PTPRO: variants seen among roughly 807,000 people sequenced by gnomAD.
The protein encoded by PTPRO is receptor-type tyrosine-protein phosphatase O.
In PTPRO, 62 loss-of-function variants were observed where a neutral mutation model predicts 145.2. The observed-to-expected ratio is 0.43, with a 90% CI of 0.35 to 0.53. The LOEUF (loss-of-function observed/expected upper bound fraction) is 0.53, where lower values mean the gene tolerates loss of function less well. Among genes scored for constraint, PTPRO ranks in the 20% least tolerant of loss-of-function variants. PTPRO has a pLI of 0.01. For missense variants in PTPRO, 1,345 were observed against 1,482.7 expected (o/e 0.91, Z 1.53); for synonymous variants, 565 against 514.7 (o/e 1.10, Z -1.32).
At chr12:15,401,682 A>G (rs1046931745) in intron 1 of PTPRO, among the ~76,000 whole-genome samples, 1 of 152,184 alleles carries the variant, frequency 6.6e-6, no homozygotes, top group Admixed American at 6.5e-5. Flanking sequence ...TATGAACTAC[A>G]CCATATTTCA....
At chr12:15,577,895 G>C (rs906059131) in intron 19 of PTPRO, among the ~76,000 whole-genome samples, 1 of 152,138 alleles carries the variant, frequency 6.6e-6, no homozygotes, top group South Asian at 2.1e-4. Flanking sequence ...TTTCCTGTAA[G>C]ACACATGGCA....
chr12:15,451,881 C>T (rs942184873), intron 1 of PTPRO, among the ~76,000 whole-genome samples: 7 of 152,218 alleles, frequency 4.6e-5, no homozygotes, highest in African/African-American at 1.7e-4. Context: ...TGAATGCCTA[C>T]ATCAAAGAGT....
intron 18 of PTPRO, among the ~76,000 whole-genome samples, chr12:15,567,788 T>C (rs1181129048): frequency 6.6e-6 from 1 of 152,202 alleles, no homozygotes; most frequent in African/African-American, 2.4e-5. Flanking sequence ...TTACTCTCCC[T>C]GGATTCCAGT....
intron 15 of PTPRO, among the ~76,000 whole-genome samples, chr12:15,552,479 A>G (rs1158824694): frequency 3.3e-5 from 5 of 152,322 alleles, no homozygotes; most frequent in African/African-American, 1.2e-4. Context: ...AAATTCATCT[A>G]TCCAATAGTG....
chr12:15,458,267 C>A (rs1941224795), intron 1 of PTPRO, among the ~76,000 whole-genome samples: 1 of 151,938 alleles, frequency 6.6e-6, no homozygotes, highest in Non-Finnish European at 1.5e-5. Context: ...TCATTTTTTT[C>A]TTGTTGCTTT....
chr12:15,359,466 C>T (rs1938106398), intron 1 of PTPRO, among the ~76,000 whole-genome samples: 1 of 134,600 alleles, frequency 7.4e-6, no homozygotes, highest in Non-Finnish European at 1.5e-5. Flanking sequence ...ACTCTGTCGG[C>T]AGGGCTGGAG....
chr12:15,527,553 A>C (rs968030669), intron 12 of PTPRO, among the ~76,000 whole-genome samples: 13 of 152,356 alleles, frequency 8.5e-5, no homozygotes, highest in Middle Eastern at 3.4e-3. Context: ...GTGGCTGTTC[A>C]GCAGCACCAT....
At chr12:15,431,452 A>T (rs1022732522) in intron 1 of PTPRO, among the ~76,000 whole-genome samples, 1 of 152,210 alleles carries the variant, frequency 6.6e-6, no homozygotes, top group Non-Finnish European at 1.5e-5. Flanking sequence ...ACTTTTCAAA[A>T]ATTTCACATA....
intron 1 of PTPRO, 119 bp from the exon 2 acceptor site, chr12:15,483,854 AC>A: frequency 1.9e-6 from 2 of 1,069,828 alleles, no homozygotes; most frequent in East Asian, 4.8e-5. Flanking sequence ...AATAAGGCTT[AC>A]CATAAACATA....
intron 1 of PTPRO, among the ~76,000 whole-genome samples, chr12:15,483,224 C>G (rs1250817519): frequency 6.6e-6 from 1 of 152,088 alleles, no homozygotes; most frequent in Non-Finnish European, 1.5e-5. Flanking sequence ...TTAATTCTGC[C>G]TATGGAGTCT....
At position 15,481,064 on chromosome 12, in the gene PTPRO, G is replaced by T. The variant is rs987227617; in HGVS notation, c.76-2910G>T. 2.6e-5 allele frequency among the ~76,000 whole-genome samples: 4 copies of T among 152,204 alleles called. No individual in the cohort carries two copies. In the East Asian group the frequency reaches 7.7e-4, roughly 29 times the overall value. On this transcript the variant is annotated intron_variant, in intron 1 of 26. Transcript: ENST00000281171. ...AAAAGAGTAATGGATAAGGGAAGGA[G>T]CTAGTATTTGTTAAGCTCCATGTAT... is the stretch of plus-strand genomic sequence containing the variant.
At chr12:15,431,366 A>C (rs1202474040) in intron 1 of PTPRO, among the ~76,000 whole-genome samples, 1 of 152,182 alleles carries the variant, frequency 6.6e-6, no homozygotes, top group Non-Finnish European at 1.5e-5. Flanking sequence ...CAAAAATTAT[A>C]CCTTTTGGAA....
intron 1 of PTPRO, among the ~76,000 whole-genome samples, chr12:15,443,575 G>C (rs1356404867): frequency 1.3e-5 from 2 of 152,072 alleles, no homozygotes; most frequent in East Asian, 3.9e-4. Flanking sequence ...TAAAGACAGG[G>C]AGAAAATGTT....
chr12:15,567,385 T>C (rs1943927560), intron 18 of PTPRO, among the ~76,000 whole-genome samples: 1 of 150,738 alleles, frequency 6.6e-6, no homozygotes, highest in African/African-American at 2.5e-5. Flanking sequence ...CACCTCCTCT[T>C]TTTCTTTTTC....
Position 15,589,584 on chromosome 12 carries a change from G to A in PTPRO, c.3540G>A (p.Gln1180=), listed in dbSNP as rs1944503912. 6.2e-7 allele frequency: 1 copy of A among 1,614,056 alleles called. No homozygotes were observed. The highest frequency in any genetic ancestry group is 1.3e-5 in the African/African-American group (1 of 75,038). The change falls in exon 25 of 27, where the codon CAG becomes CAA. Residue 1180 remains glutamine, a synonymous_variant. Transcript: ENST00000281171. ...GGTCATACCGGATGTCTATGGTACAGACAGAGGTAGGAACATAATCTATAT... is the reference window on the plus strand; with the variant it reads ...GGTCATACCGGATGTCTATGGTACAAACAGAGGTAGGAACATAATCTATAT... ...EMRSYRMSMV[Q]TEEQYIFIHQ...
At chr12:15,350,971 CT>C (rs931730404) in intron 1 of PTPRO, among the ~76,000 whole-genome samples, 12 of 151,962 alleles carry the variant, frequency 7.9e-5, no homozygotes, top group African/African-American at 2.4e-4. Flanking sequence ...GATTTATTTT[CT>C]TTTTTTTCCC....
At chr12:15,521,110 C>T (rs376770082) in intron 10 of PTPRO, among the ~76,000 whole-genome samples, 30 of 151,846 alleles carry the variant, frequency 2.0e-4, no homozygotes, top group Non-Finnish European at 3.7e-4. Context: ...TATCGAACGA[C>T]AAGGTTGTAA....
intron 12 of PTPRO, among the ~76,000 whole-genome samples, chr12:15,543,109 G>A (rs902105631): frequency 6.6e-6 from 1 of 152,140 alleles, no homozygotes; most frequent in Non-Finnish European, 1.5e-5. Flanking sequence ...ATTTAGGGAA[G>A]CACACCAATC....
chr12:15,562,172 T>C (rs1943790222), intron 17 of PTPRO, among the ~76,000 whole-genome samples: 1 of 152,132 alleles, frequency 6.6e-6, no homozygotes, highest in African/African-American at 2.4e-5. Flanking sequence ...TAAACTATGT[T>C]CTCAGCCCTT....
Sources: allele counts gnomAD v4.1 joint callset (sites outside exome capture counted in the v4.1 genomes callset), GRCh38; gene constraint gnomAD v4.1.1; transcripts MANE v1.5; gene names NCBI Gene and HGNC (gene_info 2026-07-23, HGNC 2026-07-21).